The following DLG2 variants were observed in gnomAD, a reference collection of about 807,000 sequenced individuals.
DLG2 encodes the protein discs large MAGUK scaffold protein 2.
In DLG2, 45 loss-of-function variants were observed where a neutral mutation model predicts 132.5. The observed-to-expected ratio is 0.34, with a 90% confidence interval of 0.27 to 0.44. The LOEUF is 0.44. Ranked by LOEUF, DLG2 falls within the 20% of genes least tolerant of loss-of-function variation. The probability of loss-of-function intolerance (pLI) is 1.00; values close to 1 mark genes in which losing one functional copy is unlikely to be tolerated. For synonymous variants in DLG2, 424 were observed against 419.6 expected (o/e 1.01, Z -0.13); for missense variants, 1,045 against 1,196.9 (o/e 0.87, Z 1.87).
intron 6 of DLG2, among the ~76,000 whole-genome samples, chr11:84,928,254 G>A (rs2047640169): frequency 6.6e-6 from 1 of 151,750 alleles, no homozygotes; most frequent in Non-Finnish European, 1.5e-5. Context: ...CAGCTCTTGG[G>A]CCTTTGAGTA....
intron 7 of DLG2, among the ~76,000 whole-genome samples, chr11:84,397,546 C>T (rs1472814417): frequency 6.6e-6 from 1 of 152,188 alleles, no homozygotes; most frequent in Non-Finnish European, 1.5e-5. Context: ...TCTCCATGCT[C>T]TCTCTCTATT....
chr11:84,515,355 A>G (rs968390557), intron 7 of DLG2, among the ~76,000 whole-genome samples: 7 of 151,534 alleles, frequency 4.6e-5, no homozygotes, highest in Non-Finnish European at 8.9e-5. Flanking sequence ...ACTTTAAGTA[A>G]TTGTAAGAAC....
At chr11:83,524,557 C>T (rs1206760099) in intron 21 of DLG2, among the ~76,000 whole-genome samples, 1 of 152,122 alleles carries the variant, frequency 6.6e-6, no homozygotes, top group Non-Finnish European at 1.5e-5. Flanking sequence ...CTGCCTCCCT[C>T]TGGAAATTTA....
chr11:83,611,283 G>A (rs187272190), intron 19 of DLG2, among the ~76,000 whole-genome samples: 214 of 152,178 alleles, frequency 1.4e-3, no homozygotes, highest in Middle Eastern at 6.8e-3. Flanking sequence ...TATTGAGAAG[G>A]GGGGAAGGGG....
At chr11:84,193,122 C>A (rs747102985) in intron 8 of DLG2, among the ~76,000 whole-genome samples, 1 of 152,162 alleles carries the variant, frequency 6.6e-6, no homozygotes, top group Non-Finnish European at 1.5e-5. Flanking sequence ...GACAGTGGTA[C>A]TGGGATATCT....
chr11:84,399,952 A>C (rs1038757538), intron 7 of DLG2, among the ~76,000 whole-genome samples: 1 of 152,196 alleles, frequency 6.6e-6, no homozygotes, highest in African/African-American at 2.4e-5. Flanking sequence ...ACTGCTAGAA[A>C]TATTTTGTTC....
At chr11:84,579,250 C>A (rs555417154) in intron 6 of DLG2, among the ~76,000 whole-genome samples, 110 of 150,800 alleles carry the variant, frequency 7.3e-4, no homozygotes, top group Non-Finnish European at 1.3e-3. Flanking sequence ...CTAATCCTAA[C>A]CTTTGGTAGT....
chr11:84,951,006 A>C (rs990139575), intron 6 of DLG2, among the ~76,000 whole-genome samples: 1 of 152,232 alleles, frequency 6.6e-6, no homozygotes, highest in African/African-American at 2.4e-5. Context: ...TCTACCAGAT[A>C]AAATGAACTC....
In DLG2 at chr11:85,475,780, G is replaced by A. The variant is rs1274823855; in HGVS notation, c.40+122877C>T. On this transcript the variant is annotated intron_variant, in intron 3 of 27. Coordinates refer to ENST00000376104, the MANE Select transcript of DLG2 (RefSeq NM_001142699.3). ...AGGCAATAACAAATAACAAAGCTGT[G>A]GCAGAGAGAAGCTCAATGTCATCCA... Among the ~76,000 whole-genome samples, 4 of 151,998 alleles carry A rather than the reference G, an allele frequency of 2.6e-5. No homozygotes were observed. The South Asian group carries it at 8.3e-4, about 31-fold the overall frequency.
intron 6 of DLG2, among the ~76,000 whole-genome samples, chr11:85,109,706 C>T (rs1335859768): frequency 6.6e-6 from 1 of 152,100 alleles, no homozygotes; most frequent in African/African-American, 2.4e-5. Flanking sequence ...GTTTGATTTA[C>T]ATAGGATTAC....
intron 9 of DLG2, among the ~76,000 whole-genome samples, chr11:84,147,053 T>C (rs892657148): frequency 2.0e-5 from 3 of 152,216 alleles, no homozygotes; most frequent in African/African-American, 7.2e-5. Context: ...CATACTCCAC[T>C]GTAGAAAATC....
At chr11:83,673,045 G>A (rs558078590) in intron 18 of DLG2, among the ~76,000 whole-genome samples, 2 of 152,224 alleles carry the variant, frequency 1.3e-5, no homozygotes, top group Admixed American at 6.5e-5. Context: ...CAACCTGGAC[G>A]ACATAGCAAG....
chr11:84,373,268 A>AAAAAAAAAAAAAAAC (rs1567449347), intron 7 of DLG2, among the ~76,000 whole-genome samples: 13 of 135,736 alleles, frequency 9.6e-5, no homozygotes, highest in Non-Finnish European at 1.9e-4. Context: ...AAAAAAACAA[A>AAAAAAAAAAAAAAAC]ACAAAAAAAA....
intron 18 of DLG2, among the ~76,000 whole-genome samples, chr11:83,786,289 T>G (rs1159226374): frequency 6.6e-6 from 1 of 152,186 alleles, no homozygotes; most frequent in Non-Finnish European, 1.5e-5. Context: ...TTAATGAGAA[T>G]TAAGTTAATG....
At chr11:85,367,882 T>C (rs1040097449) in intron 3 of DLG2, among the ~76,000 whole-genome samples, 1 of 152,198 alleles carries the variant, frequency 6.6e-6, no homozygotes, top group Admixed American at 6.5e-5. Flanking sequence ...GAACAAATCT[T>C]TCTTGGAACT....
intron 6 of DLG2, among the ~76,000 whole-genome samples, chr11:84,788,684 A>G (rs1007550655): frequency 6.6e-6 from 1 of 152,150 alleles, no homozygotes; most frequent in Admixed American, 6.5e-5. Flanking sequence ...TTGATTACTT[A>G]TCTCTCCTAC....
At chr11:84,887,964 C>A (rs890557622) in intron 6 of DLG2, among the ~76,000 whole-genome samples, 1 of 152,104 alleles carries the variant, frequency 6.6e-6, no homozygotes, top group Non-Finnish European at 1.5e-5. Context: ...TTCATTACCT[C>A]AAAAACTATT....
At chr11:84,479,627 T>A (rs990507756) in intron 7 of DLG2, among the ~76,000 whole-genome samples, 2 of 152,106 alleles carry the variant, frequency 1.3e-5, no homozygotes, top group African/African-American at 4.8e-5. Context: ...CTTAAGTAGA[T>A]AGCCATATAT....
At chr11:83,878,868 C>T (rs17146314) in intron 15 of DLG2, among the ~76,000 whole-genome samples, 7,829 of 152,196 alleles carry the variant, frequency 0.051, 280 homozygotes, top group Middle Eastern at 0.078. Flanking sequence ...CTAAATTGGG[C>T]AACTGTGGAG....
Sources: gnomAD v4.1 joint callset for allele counts (sites outside exome capture counted in the v4.1 genomes callset) on GRCh38, gnomAD v4.1.1 for gene constraint, MANE v1.5 for transcripts, NCBI Gene and HGNC (gene_info 2026-07-23, HGNC 2026-07-21) for gene names.